CYTH2: variants seen among roughly 807,000 people sequenced by gnomAD.
The protein encoded by CYTH2 is cytohesin-2.
In CYTH2, 24 loss-of-function variants were observed where a neutral mutation model predicts 55.4. The observed-to-expected ratio is 0.43, with a 90% CI of 0.31 to 0.61. CYTH2 has a LOEUF of 0.61. Ranked by LOEUF, CYTH2 falls within the 20% of genes least tolerant of loss-of-function variation. The pLI is 0.08. For missense variants in CYTH2, 378 were observed against 533.5 expected (o/e 0.71, Z 2.87); for synonymous variants, 221 against 209.6 (o/e 1.05, Z -0.47).
chr19:48,472,275 T>G, intron 3 of CYTH2, 50 bp from the exon 4 acceptor site: 3 of 1,555,502 alleles, frequency 1.9e-6, no homozygotes, highest in Non-Finnish European at 1.8e-6. Context: ...GGGAGGTGAG[T>G]GGGGTGGCTT....
rs142609843 is a variant in CYTH2, at chr19:48,470,748, G to A, written c.234+79G>A. On this transcript the variant is annotated intron_variant, in intron 3 of 11. Transcript: ENST00000452733. ...TCTGGCACCTCCGGGTTCCAGAAGC[G>A]TGATGGTGCCGGGTCTATTCTAGGT... The A allele has an allele frequency of 5.1e-4, 769 of 1,516,464 alleles. 4 individuals are homozygous for A. The African/African-American group carries it at 9.0e-3, about 18-fold the overall frequency. The allele number at this position is 1,516,464 out of a possible 1,614,324, so 93.9% of individuals were successfully genotyped here. A position where few individuals can be genotyped will look rare whatever the true frequency, so the allele number is the denominator to read the frequency against.
At chr19:48,473,861 T>C (rs1601023072) in intron 5 of CYTH2, 44 bp from the exon 6 acceptor site, 1 of 1,486,540 alleles carries the variant, frequency 6.7e-7, no homozygotes, top group Non-Finnish European at 9.2e-7. Flanking sequence ...GGGGACAGGC[T>C]CCCACCAGCC....
At position 48,474,990 on chromosome 19, in the gene CYTH2, A is replaced by G. The variant is rs541999964; in HGVS notation, c.808+41A>G. Reference sequence around the variant, plus strand: ...ACCCCGCTGGTCCCTCCGCAGGAGGACATTTGTGGGCCTGGGCCCTGGACT... The same window carrying G: ...ACCCCGCTGGTCCCTCCGCAGGAGGGCATTTGTGGGCCTGGGCCCTGGACT... On this transcript the variant is annotated intron_variant, in intron 8 of 11. Transcript: ENST00000452733. The surrounding 1 kb of genome is among the most constrained non-coding windows in gnomAD (Gnocchi z 4.9). 2 of 1,578,656 alleles carry G rather than the reference A, an allele frequency of 1.3e-6. No homozygotes were observed. Among genetic ancestry groups the G allele is most frequent in the African/African-American group, 2.7e-5 (2 of 73,876 alleles).
rs1971957124 is a variant in CYTH2, at chr19:48,478,112, A to G, written c.852A>G (p.Thr284=). ...KTWKRRWFIL[T]DNCLYYFEYT... is the part of the protein sequence containing the mutation. ...GGAAGCGGCGCTGGTTTATCCTCACAGACAACTGCCTCTACTACTTTGAGT... is the reference window on the plus strand; with the variant it reads ...GGAAGCGGCGCTGGTTTATCCTCACGGACAACTGCCTCTACTACTTTGAGT... Residue 284 remains threonine (T), a synonymous_variant, in exon 9 of 12, where the codon ACA becomes ACG. Transcript: ENST00000452733. 6.2e-7 allele frequency: 1 copy of G among 1,614,068 alleles called. No homozygotes were observed.
intron 3 of CYTH2, among the ~76,000 whole-genome samples, chr19:48,471,167 T>TGTGTGTGTGTGTGTGTGTGTGTGTGTGC (rs1427614458): frequency 7.8e-6 from 1 of 127,464 alleles, no homozygotes; most frequent in African/African-American, 4.7e-5. Context: ...ACCTACTCTT[T>TGTGTGTGTGTGTGTGTGTGTGTGTGTGC]GTGTGTGTGT....
rs931411721 is a variant in CYTH2, at chr19:48,480,789, G to A, written c.*1579G>A. The A allele has an allele frequency of 6.6e-6, 1 of 152,272 alleles. No homozygotes were observed. The highest frequency in any genetic ancestry group is 2.4e-5 in the African/African-American group (1 of 41,464). The allele number at this position is 152,272 out of a possible 1,614,324, so 9.4% of individuals were successfully genotyped here. A position where few individuals can be genotyped will look rare whatever the true frequency, so the allele number is the denominator to read the frequency against. On this transcript the variant is annotated 3_prime_UTR_variant, in exon 12 of 12. Transcript: ENST00000452733. ...GAGTCATCGACCCAAGAAGGTCGTG[G>A]GAGATGAGGTCCCAGGGTAAACAGC...
Position 48,473,372 on chromosome 19 carries a change from C to A in CYTH2, c.428C>A (p.Ala143Asp). ...HEFTDLNLVQ[A>D]LRQFLWSFRL... ...TTCACCGACCTCAATCTGGTGCAGG[C>A]CCTCAGGTGAGTGAGGGGGAGGGGT... Residue 143 changes from alanine to aspartate, a missense_variant, in exon 5 of 12, where the codon GCC becomes GAC. Physicochemically the swap from Ala to Asp is moderately radical, Grantham distance 126 (BLOSUM62 -2). Transcript: ENST00000452733. 2 of 1,614,062 alleles carry A rather than the reference C, an allele frequency of 1.2e-6. No individual in the cohort carries two copies. The highest frequency in any genetic ancestry group is 1.7e-6 in the Non-Finnish European group (2 of 1,179,976).
In CYTH2 at chr19:48,472,400, G is replaced by A. The variant is rs756110822; in HGVS notation, c.310G>A (p.Glu104Lys). ...EEIARFLYKG[E>K]GLNKTAIGDY... ...GATCGCCCGCTTCCTGTACAAGGGCGAGGGGCTGAACAAGACAGCCATCGG... is the reference window on the plus strand; with the variant it reads ...GATCGCCCGCTTCCTGTACAAGGGCAAGGGGCTGAACAAGACAGCCATCGG... Residue 104 changes from glutamate (E) to lysine (K), a missense_variant, in exon 4 of 12, where the codon GAG (glutamate) becomes AAG (lysine). By Grantham distance (56) the Glu-to-Lys change is moderately conservative (BLOSUM62 1). Coordinates refer to ENST00000452733, the MANE Select transcript of CYTH2 (RefSeq NM_004228.7). The A allele has an allele frequency of 6.2e-7, 1 of 1,613,938 alleles. No individual in the cohort carries two copies. Among genetic ancestry groups the A allele is most frequent in the South Asian group, 1.1e-5 (1 of 91,074 alleles).
chr19:48,470,037 C>T (rs1327699431), intron 1 of CYTH2: 1 of 603,784 alleles, frequency 1.7e-6, no homozygotes, highest in South Asian at 1.5e-5. Context: ...CCTCAGTCCC[C>T]TTCCAAGTAA....
intron 1 of CYTH2, chr19:48,470,113 C>T (rs920088146): frequency 5.6e-6 from 4 of 712,748 alleles, no homozygotes; most frequent in African/African-American, 5.3e-5. Context: ...GCACCCATTC[C>T]CCTTCTCCCT....
chr19:48,470,189 T>A (rs1475561381), intron 1 of CYTH2, 164 bp from the exon 2 acceptor site: 1 of 1,099,102 alleles, frequency 9.1e-7, no homozygotes, highest in Non-Finnish European at 1.3e-6. Context: ...GAGCCCCAGC[T>A]CTTTCTCCTC....
In CYTH2 at chr19:48,469,701, G is replaced by A. The variant is rs566560751; in HGVS notation, c.19+175G>A. On this transcript the variant is annotated intron_variant, in intron 1 of 11. Transcript: ENST00000452733. ...GGGCTTCCGGCGGGGCCCGAAAGCCGGGCGTTCCAGGCCATTGTTTGGGCT... is the reference window on the plus strand; with the variant it reads ...GGGCTTCCGGCGGGGCCCGAAAGCCAGGCGTTCCAGGCCATTGTTTGGGCT... The A allele has an allele frequency of 5.8e-5, 59 of 1,016,942 alleles. No individual in the cohort carries two copies. In the East Asian group the frequency reaches 1.5e-3, roughly 26 times the overall value. The allele number at this position is 1,016,942 out of a possible 1,614,324, so 63.0% of individuals were successfully genotyped here. A position where few individuals can be genotyped will look rare whatever the true frequency, so the allele number is the denominator to read the frequency against.
rs1207589645 is a variant in CYTH2 at position 48,479,040 on chromosome 19, G to C, written c.1113-83G>C. 6 of 1,447,718 alleles carry C rather than the reference G, an allele frequency of 4.1e-6. No homozygotes were observed. The African/African-American group carries it at 8.5e-5, about 20-fold the overall frequency. The allele number at this position is 1,447,718 out of a possible 1,614,324, so 89.7% of individuals were successfully genotyped here. A position where few individuals can be genotyped will look rare whatever the true frequency, so the allele number is the denominator to read the frequency against. On this transcript the variant is annotated intron_variant, in intron 11 of 11. Transcript: ENST00000452733. ...CTGAGGGAGGAGGGGCCGGGGGTCT[G>C]AGACTCCTCCTGGGTATGAGGGAGG...
rs1260050590 is a variant in CYTH2, at chr19:48,474,371, C to T, written c.696+41C>T. 1 of 1,539,094 alleles carries T rather than the reference C, an allele frequency of 6.5e-7. No individual in the cohort carries two copies. Among genetic ancestry groups the T allele is most frequent in the Non-Finnish European group, 8.7e-7 (1 of 1,142,904 alleles). Reference sequence around the variant, plus strand: ...CTGCCCCTCAGCCCTGCCCCTCTTCCTGCCACAGACACCCCCGCCCCACCT... The same window carrying T: ...CTGCCCCTCAGCCCTGCCCCTCTTCTTGCCACAGACACCCCCGCCCCACCT... On this transcript the variant is annotated intron_variant, in intron 7 of 11. Transcript: ENST00000452733. This position sits in a 1 kb window ranked among gnomAD's most constrained non-coding sequence, Gnocchi z 4.9.
intron 1 of CYTH2, 122 bp from the exon 2 acceptor site, chr19:48,470,231 C>T: frequency 7.2e-7 from 1 of 1,396,380 alleles, no homozygotes; most frequent in Non-Finnish European, 9.7e-7. Flanking sequence ...CCAGCCCATT[C>T]TTCTGTGCAG....
In CYTH2 at chr19:48,478,503, G is replaced by T; in HGVS notation, c.1023G>T (p.Ala341=). The T allele has an allele frequency of 6.2e-7, 1 of 1,614,104 alleles. No individual in the cohort carries two copies. The highest frequency in any genetic ancestry group is 8.5e-7 in the Non-Finnish European group (1 of 1,180,012). ...TCATCAAAGCCTGCAAAACTGAGGCGGACGGCCGAGTGGTGGAGGGAAACC... is the reference window on the plus strand; with the variant it reads ...TCATCAAAGCCTGCAAAACTGAGGCTGACGGCCGAGTGGTGGAGGGAAACC... ...GQLIKACKTE[A]DGRVVEGNHM... The change falls in exon 11 of 12, where the codon GCG becomes GCT. Residue 341 remains alanine (A), a synonymous_variant. Transcript: ENST00000452733.
chr19:48,472,085 G>T (rs1385352061), intron 3 of CYTH2, among the ~76,000 whole-genome samples: 1 of 152,206 alleles, frequency 6.6e-6, no homozygotes, highest in East Asian at 1.9e-4. Flanking sequence ...GAGCACCTGT[G>T]CCTTGCCAGA....
rs2147507214 is a variant in CYTH2 at position 48,474,024 on chromosome 19, G to A, written c.547+7G>A. Reference sequence around the variant, plus strand: ...GGGGTTTTCCAGTCCACAGGTGCGGGCCCCAAATCCTGGGTCCTGGGAAAG... The same window carrying A: ...GGGGTTTTCCAGTCCACAGGTGCGGACCCCAAATCCTGGGTCCTGGGAAAG... On this transcript the variant is annotated splice_region_variant and intron_variant, in intron 6 of 11. Transcript: ENST00000452733. The surrounding 1 kb of genome is among the most constrained non-coding windows in gnomAD (Gnocchi z 4.9). 1.2e-6 allele frequency: 2 copies of A among 1,600,404 alleles called. No homozygotes were observed. The highest frequency in any genetic ancestry group is 2.2e-5 in the East Asian group (1 of 44,758).
intron 3 of CYTH2, among the ~76,000 whole-genome samples, chr19:48,471,333 G>A (rs1971788263): frequency 6.6e-6 from 1 of 152,104 alleles, no homozygotes; most frequent in South Asian, 2.1e-4. Context: ...TGTATTTTTA[G>A]TACAGATGGG....
Sources: gnomAD v4.1 joint callset for allele counts (sites outside exome capture counted in the v4.1 genomes callset) on GRCh38, gnomAD v4.1.1 for gene constraint, Gnocchi (gnomAD v3.1) non-coding constraint, MANE v1.5 for transcripts, NCBI Gene and HGNC (gene_info 2026-07-23, HGNC 2026-07-21) for gene names.